The following MSH3 variants were observed in gnomAD, a reference collection of about 807,000 sequenced individuals.
The protein encoded by MSH3 is DNA mismatch repair protein Msh3.
A neutral mutation model predicts 123.3 loss-of-function variants in MSH3; 106 were observed. That is an observed-to-expected ratio of 0.86 (90% CI 0.73 to 1.01). The LOEUF (loss-of-function observed/expected upper bound fraction) is 1.01, where lower values mean the gene tolerates loss of function less well. Ranked by LOEUF, MSH3 falls within the 50% of genes least tolerant of loss-of-function variation. The pLI, the probability that MSH3 is intolerant of heterozygous loss-of-function variation, is 0.00. For synonymous variants in MSH3, 515 were observed against 481.4 expected (o/e 1.07, Z -0.91); for missense variants, 1,459 against 1,347.6 (o/e 1.08, Z -1.29).
chr5:80,773,458 C>T lies in MSH3; in HGVS notation c.2254-2236C>T, dbSNP rs185955173. The stretch of plus-strand genomic sequence containing the variant: ...TGTAGTAATTCTCTATAAATGAGGG[C>T]ATCACTAGTTCAAAACAGTTTTCTA... On this transcript the variant is annotated intron_variant, in intron 15 of 23. Transcript: ENST00000265081. 1.3e-3 allele frequency among the ~76,000 whole-genome samples: 191 copies of T among 152,242 alleles called. 2 individuals carry two copies. Among genetic ancestry groups the T allele is most frequent in the African/African-American group, 4.5e-3 (186 of 41,558 alleles).
At chr5:80,813,454 C>A in intron 19 of MSH3, 130 bp from the exon 20 acceptor site, 1 of 917,722 alleles carries the variant, frequency 1.1e-6, no homozygotes, top group Non-Finnish European at 1.7e-6. Context: ...GACAGAGGAC[C>A]GCTTTCCTTT....
intron 12 of MSH3, among the ~76,000 whole-genome samples, chr5:80,749,916 T>C (rs1447315464): frequency 6.6e-6 from 1 of 152,184 alleles, no homozygotes; most frequent in East Asian, 1.9e-4. Context: ...TCTCTACTTC[T>C]ATGAGTTTGA....
At chr5:80,761,194 A>G (rs1034596486) in intron 12 of MSH3, among the ~76,000 whole-genome samples, 20 of 152,162 alleles carry the variant, frequency 1.3e-4, no homozygotes, top group Non-Finnish European at 2.8e-4. Context: ...AAAGAGCAAT[A>G]AAAAGGGAAA....
intron 15 of MSH3, among the ~76,000 whole-genome samples, chr5:80,774,825 G>A (rs1253901005): frequency 6.6e-6 from 1 of 152,110 alleles, no homozygotes; most frequent in African/African-American, 2.4e-5. Flanking sequence ...TAGTGGTAGT[G>A]GGGGTGGAGG....
At chr5:80,700,375 T>C (rs1750580593) in intron 8 of MSH3, among the ~76,000 whole-genome samples, 1 of 152,174 alleles carries the variant, frequency 6.6e-6, no homozygotes, top group African/African-American at 2.4e-5. Flanking sequence ...AACAAATCAA[T>C]TCTGGTAGTA....
intron 19 of MSH3, among the ~76,000 whole-genome samples, chr5:80,809,201 G>A (rs1299812352): frequency 6.6e-6 from 1 of 151,854 alleles, no homozygotes; most frequent in African/African-American, 2.4e-5. Flanking sequence ...CGTAAGGCTA[G>A]GATTTCTGTT....
At position 80,775,357 on chromosome 5, in the gene MSH3, T is replaced by C. The variant is rs530414893; in HGVS notation, c.2254-337T>C. Among the ~76,000 whole-genome samples, 3 of 152,272 alleles carry C rather than the reference T, an allele frequency of 2.0e-5. No homozygotes were observed. In the East Asian group the frequency reaches 5.8e-4, roughly 29 times the overall value. ...TTTATATACTTAGAAATTCAATCTT[T>C]TATGAGTAGTAGAATTCTTAAGATA... On this transcript the variant is annotated intron_variant, in intron 15 of 23. Coordinates refer to ENST00000265081, the MANE Select transcript of MSH3 (RefSeq NM_002439.5).
intron 15 of MSH3, among the ~76,000 whole-genome samples, chr5:80,772,222 T>C (rs186370252): frequency 2.9e-4 from 44 of 152,328 alleles, no homozygotes; most frequent in African/African-American, 1.1e-3. Flanking sequence ...AAGGGTTTTA[T>C]TAATTGACAG....
intron 23 of MSH3, among the ~76,000 whole-genome samples, chr5:80,874,022 G>T (rs138684786): frequency 7.7e-4 from 117 of 152,232 alleles, no homozygotes; most frequent in African/African-American, 2.7e-3. Flanking sequence ...GGGGAGCCTG[G>T]TGTGCTGGGT....
intron 8 of MSH3, among the ~76,000 whole-genome samples, chr5:80,686,936 T>C (rs957589407): frequency 2.6e-5 from 4 of 152,180 alleles, no homozygotes; most frequent in Non-Finnish European, 2.9e-5. Flanking sequence ...TATTAGGGTT[T>C]TTGGTATTCT....
intron 22 of MSH3, among the ~76,000 whole-genome samples, chr5:80,870,963 A>G (rs929142494): frequency 2.0e-5 from 3 of 152,250 alleles, no homozygotes; most frequent in Admixed American, 6.5e-5. Flanking sequence ...TTTCATAATA[A>G]AAGTTACATA....
chr5:80,848,186 T>A (rs1342918217), intron 20 of MSH3, among the ~76,000 whole-genome samples: 1 of 152,220 alleles, frequency 6.6e-6, no homozygotes, highest in Non-Finnish European at 1.5e-5. Context: ...GCTGTGTTCA[T>A]GCCACTGTAC....
At chr5:80,770,604 A>G (rs1744199421) in intron 15 of MSH3, among the ~76,000 whole-genome samples, 1 of 152,184 alleles carries the variant, frequency 6.6e-6, no homozygotes, top group Admixed American at 6.5e-5. Context: ...GTAGTTAGAT[A>G]AGTTACCCAA....
At position 80,670,078 on chromosome 5, in the gene MSH3, T is replaced by G; in HGVS notation, c.580-19T>G. 5.6e-6 allele frequency: 9 copies of G among 1,610,476 alleles called. No individual in the cohort carries two copies. Among genetic ancestry groups the G allele is most frequent in the Non-Finnish European group, 7.6e-6 (9 of 1,176,890 alleles). On this transcript the variant is annotated intron_variant, in intron 3 of 23. Transcript: ENST00000265081. The stretch of plus-strand genomic sequence containing the variant: ...TGTGGTTAATATTTTTAAAACTTTA[T>G]ACATCTTTTGGTTGCCAGGACACAA...
At chr5:80,871,335 T>C (rs1390954926) in intron 22 of MSH3, among the ~76,000 whole-genome samples, 1 of 152,200 alleles carries the variant, frequency 6.6e-6, no homozygotes, top group African/African-American at 2.4e-5. Context: ...ACATAGCGGC[T>C]TAGAACAACA....
intron 20 of MSH3, among the ~76,000 whole-genome samples, chr5:80,836,774 T>TGCGGAGCCGAAGC (rs1561494208): frequency 7.3e-5 from 11 of 151,392 alleles, no homozygotes; most frequent in African/African-American, 2.5e-4. Context: ...CTATACTGTA[T>TGCGGAGCCGAAGC]TATTTTTAAC....
chr5:80,753,685 C>CT (rs1255271137), intron 12 of MSH3, among the ~76,000 whole-genome samples: 12 of 151,536 alleles, frequency 7.9e-5, no homozygotes, highest in Admixed American at 4.6e-4. Context: ...TTAATTTCTT[C>CT]TTTTTTTTTC....
intron 23 of MSH3, among the ~76,000 whole-genome samples, chr5:80,874,724 A>G (rs1259484677): frequency 2.6e-5 from 4 of 152,194 alleles, no homozygotes. Context: ...AAATATGGCA[A>G]TTTCTATATT....
At chr5:80,743,407 C>T (rs971122060) in intron 11 of MSH3, among the ~76,000 whole-genome samples, 2 of 152,126 alleles carry the variant, frequency 1.3e-5, no homozygotes, top group African/African-American at 4.8e-5. Context: ...TGATTCCTGG[C>T]AGGTGGCATT....
Sources: allele counts gnomAD v4.1 joint callset (sites outside exome capture counted in the v4.1 genomes callset), GRCh38; gene constraint gnomAD v4.1.1; transcripts MANE v1.5; gene names NCBI Gene and HGNC (gene_info 2026-07-23, HGNC 2026-07-21).